TRHDE: variants seen among roughly 807,000 people sequenced by gnomAD.
TRHDE encodes the protein thyrotropin releasing hormone degrading enzyme.
In TRHDE, 72 loss-of-function variants were observed where a neutral mutation model predicts 125.7. That is an observed-to-expected ratio of 0.57 (90% CI 0.47 to 0.70). The LOEUF is 0.70. Among genes scored for constraint, TRHDE ranks in the 30% least tolerant of loss-of-function variants. The probability of loss-of-function intolerance (pLI) is 0.00; values close to 1 mark genes in which losing one functional copy is unlikely to be tolerated. For missense variants in TRHDE, 1,110 were observed against 1,327.1 expected, an observed-to-expected ratio of 0.84 and a Z score of 2.54; for synonymous variants, 509 against 509.1, an observed-to-expected ratio of 1.00 and a Z score of 0.00.
At chr12:72,142,387 C>T (rs2139315172) in intron 2 of TRHDE, among the ~76,000 whole-genome samples, 1 of 152,240 alleles carries the variant, frequency 6.6e-6, no homozygotes, top group East Asian at 1.9e-4. Flanking sequence ...GGCTTTATGC[C>T]TCTCAGTTGA....
chr12:72,607,729 TG>T (rs1872505704), intron 12 of TRHDE, among the ~76,000 whole-genome samples: 1 of 152,194 alleles, frequency 6.6e-6, no homozygotes. Context: ...GGTCTAACTT[TG>T]GCCAGGAGGT....
chr12:72,330,048 C>T (rs1001715073), intron 2 of TRHDE, among the ~76,000 whole-genome samples: 8 of 152,146 alleles, frequency 5.3e-5, no homozygotes, highest in South Asian at 4.1e-4. Flanking sequence ...CTCCTCATGC[C>T]TAGCCACAAA....
At chr12:72,143,657 T>C (rs1002179057) in intron 2 of TRHDE, among the ~76,000 whole-genome samples, 1 of 152,074 alleles carries the variant, frequency 6.6e-6, no homozygotes, top group Admixed American at 6.5e-5. Flanking sequence ...CATTGGGCCA[T>C]TTTTATAGGG....
chr12:72,544,190 G>C (rs1412486898), intron 7 of TRHDE, among the ~76,000 whole-genome samples: 1 of 151,400 alleles, frequency 6.6e-6, no homozygotes, highest in African/African-American at 2.4e-5. Context: ...GTTTGGATTA[G>C]TTTACAGTAG....
At chr12:72,231,402 C>T (rs528426225) in intron 2 of TRHDE, among the ~76,000 whole-genome samples, 14 of 152,196 alleles carry the variant, frequency 9.2e-5, no homozygotes, top group African/African-American at 3.4e-4. Flanking sequence ...AGGAAGTCCC[C>T]CACCCCCTTT....
At chr12:72,170,470 T>G (rs182401230) in intron 2 of TRHDE, among the ~76,000 whole-genome samples, 19 of 152,266 alleles carry the variant, frequency 1.2e-4, no homozygotes, top group Admixed American at 2.6e-4. Flanking sequence ...AACTCACTTG[T>G]TGGTGGTGTA....
At position 72,233,179 on chromosome 12, in the gene TRHDE, A is replaced by C. The variant is rs1209820196; in HGVS notation, n.279+127427A>C. Among the ~76,000 whole-genome samples, 4 of 152,326 alleles carry C rather than the reference A, an allele frequency of 2.6e-5. No individual in the cohort carries two copies. The East Asian group carries it at 5.8e-4, about 22-fold the overall frequency. ...AACCTTTAGTAATAGAGCTCTGGAC[A>C]ATGAACCAGGAGTATGTCCAACTTG... On this transcript the variant is annotated intron_variant and non_coding_transcript_variant, in intron 2 of 4. Coordinates refer to the TRHDE transcript ENST00000548156.
intron 2 of TRHDE, among the ~76,000 whole-genome samples, chr12:72,193,671 A>G (rs1449919608): frequency 6.6e-6 from 1 of 152,146 alleles, no homozygotes; most frequent in Non-Finnish European, 1.5e-5. Context: ...CAGGTGACCA[A>G]ATAAAAGAGC....
chr12:72,099,606 T>C (rs1271285373), intron 1 of TRHDE, among the ~76,000 whole-genome samples: 1 of 152,194 alleles, frequency 6.6e-6, no homozygotes, highest in African/African-American at 2.4e-5. Context: ...ATATCTCTCT[T>C]ATTAGCATGT....
At chr12:72,096,542 A>T (rs912482397) in intron 1 of TRHDE, among the ~76,000 whole-genome samples, 27 of 152,222 alleles carry the variant, frequency 1.8e-4, no homozygotes, top group Non-Finnish European at 3.4e-4. Flanking sequence ...CAAAGATGGC[A>T]AAAAAGTAAG....
At chr12:72,131,233 G>C (rs920563360) in intron 2 of TRHDE, among the ~76,000 whole-genome samples, 1 of 151,508 alleles carries the variant, frequency 6.6e-6, no homozygotes, top group African/African-American at 2.4e-5. Flanking sequence ...CACCACGCCC[G>C]GCTAATTTTT....
intron 2 of TRHDE, among the ~76,000 whole-genome samples, chr12:72,217,859 T>C (rs1429920414): frequency 6.6e-6 from 1 of 152,138 alleles, no homozygotes; most frequent in Non-Finnish European, 1.5e-5. Context: ...TGCACTTATC[T>C]TACAGAAACC....
intron 2 of TRHDE, among the ~76,000 whole-genome samples, chr12:72,198,066 T>G (rs1877479713): frequency 6.6e-6 from 1 of 152,158 alleles, no homozygotes. Context: ...TCATATAATA[T>G]GTGACATTTT....
intron 1 of TRHDE, among the ~76,000 whole-genome samples, chr12:72,105,076 G>C (rs959816744): frequency 1.3e-5 from 2 of 152,168 alleles, no homozygotes; most frequent in Non-Finnish European, 2.9e-5. Flanking sequence ...CCAGCTGTGA[G>C]AGTCAGATAG....
intron 2 of TRHDE, among the ~76,000 whole-genome samples, chr12:72,133,885 A>G (rs145581806): frequency 8.7e-4 from 133 of 152,272 alleles, no homozygotes; most frequent in African/African-American, 3.2e-3. Flanking sequence ...TGGCTGTTCT[A>G]TATGCAGAGA....
At position 72,665,658 on chromosome 12, in the gene TRHDE, C is replaced by A. The variant is rs765082054; in HGVS notation, c.*2463C>A. 1 of 151,842 alleles carries A rather than the reference C, an allele frequency of 6.6e-6. No individual in the cohort carries two copies. The highest frequency in any genetic ancestry group is 1.5e-5 in the Non-Finnish European group (1 of 67,908). 9.4% of individuals were successfully genotyped at this position (151,842 alleles called of 1,614,324 possible). On this transcript the variant is annotated 3_prime_UTR_variant, in exon 19 of 19. Transcript: ENST00000261180. ...TTTCTACTTAGAGTTTTTATCTTTT[C>A]TTTTTTGTCGGCTTTACAAATTATA...
chr12:72,460,490 G>C (rs1325780640), intron 3 of TRHDE, among the ~76,000 whole-genome samples: 2 of 152,040 alleles, frequency 1.3e-5, no homozygotes, highest in Non-Finnish European at 2.9e-5. Flanking sequence ...AAATTTAAGG[G>C]GACTTTGTCT....
chr12:72,396,742 C>G (rs1327191429), intron 3 of TRHDE, among the ~76,000 whole-genome samples: 1 of 149,138 alleles, frequency 6.7e-6, no homozygotes, highest in African/African-American at 2.4e-5. Flanking sequence ...GACTCCATCT[C>G]AAAACAAACA....
At chr12:72,555,753 C>T (rs1869891635) in intron 7 of TRHDE, among the ~76,000 whole-genome samples, 1 of 152,122 alleles carries the variant, frequency 6.6e-6, no homozygotes, top group Non-Finnish European at 1.5e-5. Flanking sequence ...ATGGGCCAGG[C>T]TTCAAATGGG....
Sources: allele counts gnomAD v4.1 joint callset (sites outside exome capture counted in the v4.1 genomes callset), GRCh38; gene constraint gnomAD v4.1.1; transcripts MANE v1.5; gene names NCBI Gene and HGNC (gene_info 2026-07-23, HGNC 2026-07-21).